Variants in CYP4X1 observed in about 807,000 individuals in gnomAD.
CYP4X1 encodes the protein cytochrome P450 4X1.
CYP4X1 carries 44 observed loss-of-function variants against 57.9 expected under a neutral mutation model. The observed-to-expected ratio is 0.76, with a 90% confidence interval of 0.60 to 0.98. CYP4X1 has a LOEUF of 0.98. Ranked by LOEUF, CYP4X1 falls within the 50% of genes least tolerant of loss-of-function variation. The probability of loss-of-function intolerance (pLI) is 0.00; values close to 1 mark genes in which losing one functional copy is unlikely to be tolerated. For synonymous variants in CYP4X1, 227 were observed against 228.6 expected (o/e 0.99, Z 0.06); for missense variants, 532 against 623.9 (o/e 0.85, Z 1.57).
the CYP4X1 span, among the ~76,000 whole-genome samples, chr1:46,984,378 A>G: frequency 2.6e-3 from 1 of 382 alleles, no homozygotes; most frequent in Non-Finnish European, 6.0e-3. Flanking sequence ...TCTGCCTTTA[A>G]AAAAAAAAAA....
At chr1:47,024,044 T>C in intron 1 of CYP4X1, 50 bp downstream of exon 1, 1 of 1,563,622 alleles carries the variant, frequency 6.4e-7, no homozygotes, top group Non-Finnish European at 8.7e-7. Flanking sequence ...CGGAGGAGGA[T>C]GCGGCAGAGG....
chr1:47,009,515 A>G, the CYP4X1 span, among the ~76,000 whole-genome samples: 4 of 152,100 alleles, frequency 2.6e-5, no homozygotes, highest in South Asian at 6.2e-4. Flanking sequence ...AGAAGCAAGA[A>G]CAAACACGTT....
downstream of CYP4X1, among the ~76,000 whole-genome samples, chr1:47,050,976 A>G (rs1644355637): frequency 6.6e-6 from 1 of 152,200 alleles, no homozygotes; most frequent in Non-Finnish European, 1.5e-5. Context: ...AATTTTTGCA[A>G]CCTACTCATC....
the CYP4X1 span, among the ~76,000 whole-genome samples, chr1:46,996,594 G>A: frequency 3.9e-5 from 6 of 152,214 alleles, no homozygotes; most frequent in African/African-American, 1.4e-4. Flanking sequence ...AATAAAAGCA[G>A]AATATAGAAC....
At chr1:46,975,633 T>A in the CYP4X1 span, among the ~76,000 whole-genome samples, 1 of 152,102 alleles carries the variant, frequency 6.6e-6, no homozygotes, top group Admixed American at 6.5e-5. Flanking sequence ...ACCTGATGAC[T>A]TATGTGTCTT....
the CYP4X1 span, among the ~76,000 whole-genome samples, chr1:47,012,666 C>T: frequency 6.6e-6 from 1 of 152,234 alleles, no homozygotes; most frequent in South Asian, 2.1e-4. Flanking sequence ...CAACAGCTCC[C>T]AAGAGCCCAC....
chr1:47,053,109 T>G (rs547475353), downstream of CYP4X1, among the ~76,000 whole-genome samples: 4 of 151,084 alleles, frequency 2.6e-5, no homozygotes, highest in Non-Finnish European at 4.4e-5. Context: ...GATGTTCCCC[T>G]TCCTGTGTCC....
chr1:46,969,832 G>A, the CYP4X1 span, among the ~76,000 whole-genome samples: 1 of 152,160 alleles, frequency 6.6e-6, no homozygotes, highest in South Asian at 2.1e-4. Context: ...GTGAAATATA[G>A]GACTATGGTA....
chr1:46,985,753 T>C, the CYP4X1 span, among the ~76,000 whole-genome samples: 1 of 152,014 alleles, frequency 6.6e-6, no homozygotes, highest in South Asian at 2.1e-4. Flanking sequence ...CCCAGCAAAC[T>C]CCAGCAGACC....
At chr1:46,999,756 T>C in the CYP4X1 span, among the ~76,000 whole-genome samples, 1 of 24,084 alleles carries the variant, frequency 4.2e-5, no homozygotes, top group Non-Finnish European at 1.8e-4. Context: ...ACTCTTTTTC[T>C]TTTTTTTTTT....
At chr1:47,006,973 G>A in the CYP4X1 span, among the ~76,000 whole-genome samples, 2 of 152,342 alleles carry the variant, frequency 1.3e-5, no homozygotes, top group East Asian at 3.9e-4. Context: ...AAGGAGACCT[G>A]CCTGCCTCTG....
chr1:47,051,730 G>A (rs1237169668), downstream of CYP4X1, among the ~76,000 whole-genome samples: 2 of 152,082 alleles, frequency 1.3e-5, no homozygotes, highest in African/African-American at 2.4e-5. Flanking sequence ...TGGACCAGTC[G>A]TCCTGTGTGA....
chr1:46,969,726 C>G, the CYP4X1 span, among the ~76,000 whole-genome samples: 2 of 152,164 alleles, frequency 1.3e-5, no homozygotes, highest in African/African-American at 4.8e-5. Flanking sequence ...ATTTCACATA[C>G]GAGGAGCATT....
the CYP4X1 span, among the ~76,000 whole-genome samples, chr1:46,977,630 A>G: frequency 1.3e-5 from 2 of 151,890 alleles, no homozygotes; most frequent in Non-Finnish European, 2.9e-5. Context: ...AGAGACCAAC[A>G]AAAAGATACT....
chr1:46,967,664 G>T, the CYP4X1 span: 1 of 518,808 alleles, frequency 1.9e-6, no homozygotes, highest in Non-Finnish European at 3.2e-6. Context: ...AGGGTGGCAG[G>T]TGGAGGCCCT....
chr1:46,989,215 A>G, the CYP4X1 span, among the ~76,000 whole-genome samples: 2 of 152,226 alleles, frequency 1.3e-5, no homozygotes, highest in Non-Finnish European at 2.9e-5. Context: ...AGGATACAAA[A>G]TCAAAGTGCA....
chr1:47,023,917 C>T lies in CYP4X1; in HGVS notation c.100C>T (p.Leu34=), dbSNP rs1358994123. ...LGLLQAIKLY[L]RRQRLLRDLR... ...GCTGCTGCAGGCCATTAAGCTGTAC[C>T]TGCGGAGGCAGCGGCTGCTGCGGGA... The change falls in exon 1 of 12, where the codon CTG becomes TTG. Residue 34 remains leucine (L), a synonymous_variant. Transcript: ENST00000371901. 2 of 1,613,704 alleles carry T rather than the reference C, an allele frequency of 1.2e-6. No homozygotes were observed. The highest frequency in any genetic ancestry group is 2.2e-5 in the East Asian group (1 of 44,884).
At chr1:47,014,404 C>T in the CYP4X1 span, among the ~76,000 whole-genome samples, 1 of 152,034 alleles carries the variant, frequency 6.6e-6, no homozygotes, top group Admixed American at 6.6e-5. Context: ...GAGGAGAAAC[C>T]TTAACCTTCT....
At chr1:47,019,075 GT>G (rs1557597819), upstream of CYP4X1, among the ~76,000 whole-genome samples, 3 of 152,142 alleles carry the variant, frequency 2.0e-5, no homozygotes, top group Non-Finnish European at 4.4e-5. Context: ...AAATTACAAA[GT>G]TTTTTCAGAG....
Sources: allele counts gnomAD v4.1 joint callset (sites outside exome capture counted in the v4.1 genomes callset), GRCh38; gene constraint gnomAD v4.1.1; transcripts MANE v1.5; gene names NCBI Gene and HGNC (gene_info 2026-07-23, HGNC 2026-07-21).